Variants in TRPM6 observed in about 807,000 individuals in gnomAD.
TRPM6 encodes channel kinase 2.
A neutral mutation model predicts 247.6 loss-of-function variants in TRPM6; 111 were observed. That is an observed-to-expected ratio of 0.45 (90% CI 0.38 to 0.52). The LOEUF is 0.52. Among genes scored for constraint, TRPM6 ranks in the 20% least tolerant of loss-of-function variants. The pLI, the probability that TRPM6 is intolerant of heterozygous loss-of-function variation, is 0.00. For missense variants in TRPM6, 2,126 were observed against 2,421.5 expected, an observed-to-expected ratio of 0.88 and a Z score of 2.56; for synonymous variants, 892 against 853.8, an observed-to-expected ratio of 1.04 and a Z score of -0.78.
At chr9:74,853,770 A>T (rs894740382) in intron 3 of TRPM6, among the ~76,000 whole-genome samples, 5 of 152,156 alleles carry the variant, frequency 3.3e-5, no homozygotes, top group African/African-American at 1.2e-4. Flanking sequence ...CCTTGTTCAC[A>T]TGTTTATCTG....
chr9:74,868,545 G>A lies in TRPM6; in HGVS notation c.34-9797C>T, dbSNP rs1830927350. On this transcript the variant is annotated intron_variant, in intron 1 of 38. Coordinates refer to ENST00000360774, the MANE Select transcript of TRPM6 (RefSeq NM_017662.5). ...ATAAAAAGTGTCCCAAATGCCACCA[G>A]CAAATGAGAAGCACTTATGTTAACA... is the stretch of plus-strand genomic sequence containing the variant. 1.3e-5 allele frequency among the ~76,000 whole-genome samples: 2 copies of A among 152,008 alleles called. 1 individual carries two copies. The highest frequency in any genetic ancestry group is 4.1e-4 in the South Asian group (2 of 4,826).
intron 25 of TRPM6, among the ~76,000 whole-genome samples, chr9:74,768,439 T>G (rs149282175): frequency 4.6e-5 from 7 of 152,346 alleles, no homozygotes; most frequent in African/African-American, 1.4e-4. Context: ...GGGCTTCAGA[T>G]GCACACATCC....
At chr9:74,765,612 G>A (rs1339999605) in intron 25 of TRPM6, among the ~76,000 whole-genome samples, 1 of 152,158 alleles carries the variant, frequency 6.6e-6, no homozygotes, top group East Asian at 1.9e-4. Flanking sequence ...CATGGCTGAC[G>A]TGACCATTGC....
chr9:74,778,446 G>A (rs1299576130), intron 23 of TRPM6, among the ~76,000 whole-genome samples: 1 of 152,228 alleles, frequency 6.6e-6, no homozygotes, highest in Non-Finnish European at 1.5e-5. Context: ...AGCCATCCCA[G>A]TGCCATGTTG....
intron 8 of TRPM6, 84 bp from the exon 9 acceptor site, chr9:74,820,511 T>A: frequency 6.5e-7 from 1 of 1,532,202 alleles, no homozygotes; most frequent in Non-Finnish European, 9.0e-7. Flanking sequence ...CCCCATCAGC[T>A]CCCCAGACTG....
At chr9:74,881,120 T>G (rs1831349829) in intron 1 of TRPM6, among the ~76,000 whole-genome samples, 1 of 151,152 alleles carries the variant, frequency 6.6e-6, no homozygotes, top group Non-Finnish European at 1.5e-5. Flanking sequence ...CGTAGCGAGA[T>G]CCCATCTCTA....
intron 3 of TRPM6, among the ~76,000 whole-genome samples, chr9:74,844,666 A>C (rs1460813808): frequency 6.6e-6 from 1 of 152,184 alleles, no homozygotes; most frequent in South Asian, 2.1e-4. Flanking sequence ...AACTTTCTTC[A>C]TATCAGCAAT....
At chr9:74,794,417 T>G (rs1828018241) in intron 18 of TRPM6, among the ~76,000 whole-genome samples, 1 of 152,140 alleles carries the variant, frequency 6.6e-6, no homozygotes, top group Non-Finnish European at 1.5e-5. Flanking sequence ...GCCTAATTAA[T>G]TATTCAGTCA....
At chr9:74,755,615 C>T in intron 27 of TRPM6, 142 bp from the exon 28 acceptor site, 1 of 1,053,140 alleles carries the variant, frequency 9.5e-7, no homozygotes, top group Non-Finnish European at 1.4e-6. Flanking sequence ...GCTGACAAAT[C>T]CCATCACTTA....
intron 23 of TRPM6, among the ~76,000 whole-genome samples, chr9:74,779,664 A>G (rs1438858038): frequency 6.6e-6 from 1 of 151,918 alleles, no homozygotes; most frequent in African/African-American, 2.4e-5. Context: ...TAGGAAACAA[A>G]TATGTGTCAG....
chr9:74,768,966 G>A (rs770404160), intron 25 of TRPM6, among the ~76,000 whole-genome samples: 2 of 152,156 alleles, frequency 1.3e-5, no homozygotes, highest in Non-Finnish European at 2.9e-5. Flanking sequence ...TTTCCTTAAG[G>A]GTTGGAGGGG....
intron 6 of TRPM6, among the ~76,000 whole-genome samples, chr9:74,831,893 C>G (rs777054788): frequency 6.8e-4 from 103 of 152,288 alleles, no homozygotes; most frequent in Non-Finnish European, 1.2e-3. Context: ...AAACGTTTAT[C>G]TATATGGAGT....
intron 17 of TRPM6, among the ~76,000 whole-genome samples, chr9:74,799,572 ATT>A (rs1564020141): frequency 9.5e-6 from 1 of 104,832 alleles, no homozygotes; most frequent in East Asian, 3.3e-4. Context: ...ACACACACAC[ATT>A]GGGTAAGCAG....
intron 1 of TRPM6, among the ~76,000 whole-genome samples, chr9:74,871,316 A>G (rs1190059886): frequency 6.6e-6 from 1 of 152,162 alleles, no homozygotes; most frequent in East Asian, 1.9e-4. Flanking sequence ...CCTCTATTAC[A>G]GTTTGTTGTG....
At chr9:74,867,281 A>G (rs1275755159) in intron 1 of TRPM6, among the ~76,000 whole-genome samples, 1 of 152,196 alleles carries the variant, frequency 6.6e-6, no homozygotes, top group Non-Finnish European at 1.5e-5. Flanking sequence ...GCATCTTAGT[A>G]CCATTATGAA....
intron 28 of TRPM6, among the ~76,000 whole-genome samples, chr9:74,753,582 G>C (rs535764208): frequency 2.9e-4 from 44 of 152,112 alleles, no homozygotes; most frequent in African/African-American, 1.0e-3. Flanking sequence ...TATAGTCCCA[G>C]CTACTCGGGA....
intron 28 of TRPM6, among the ~76,000 whole-genome samples, chr9:74,754,840 T>C (rs563231637): frequency 1.3e-5 from 2 of 152,174 alleles, no homozygotes; most frequent in African/African-American, 2.4e-5. Context: ...GCCTAGCCCA[T>C]AGTATTCATT....
intron 9 of TRPM6, among the ~76,000 whole-genome samples, chr9:74,817,740 A>G (rs926976431): frequency 1.1e-4 from 17 of 151,496 alleles, no homozygotes; most frequent in Non-Finnish European, 2.5e-4. Flanking sequence ...CTTCAAAAAA[A>G]GGGGGGGGGA....
intron 7 of TRPM6, chr9:74,827,274 A>G (rs1237807105): frequency 6.5e-6 from 1 of 153,234 alleles, no homozygotes. Flanking sequence ...TAAAGTCTTC[A>G]TCCCTCCATC....
Sources: allele counts gnomAD v4.1 joint callset (sites outside exome capture counted in the v4.1 genomes callset), GRCh38; gene constraint gnomAD v4.1.1; transcripts MANE v1.5; gene names NCBI Gene and HGNC (gene_info 2026-07-23, HGNC 2026-07-21).